Variants in GALNT13 observed in about 807,000 individuals in gnomAD.
GALNT13 encodes the protein UDP-GalNAc:polypeptide N-acetylgalactosaminyltransferase 13.
GALNT13 carries 28 observed loss-of-function variants against 64.2 expected under a neutral mutation model. That is an observed-to-expected ratio of 0.44 (90% CI 0.32 to 0.60). The LOEUF is 0.60. Ranked by LOEUF, GALNT13 falls within the 20% of genes least tolerant of loss-of-function variation. GALNT13 has a pLI of 0.05. For missense variants in GALNT13, 577 were observed against 669.8 expected, an observed-to-expected ratio of 0.86 and a Z score of 1.53; for synonymous variants, 214 against 224.6, an observed-to-expected ratio of 0.95 and a Z score of 0.42.
chr2:153,114,843 C>T, the GALNT13 span, among the ~76,000 whole-genome samples: 2 of 152,032 alleles, frequency 1.3e-5, no homozygotes, highest in African/African-American at 4.8e-5. Context: ...TCTTTCCAAT[C>T]CCCCTCCATT....
At chr2:153,389,968 C>G in the GALNT13 span, among the ~76,000 whole-genome samples, 2 of 152,044 alleles carry the variant, frequency 1.3e-5, no homozygotes, top group African/African-American at 4.8e-5. Context: ...TGCGTATATA[C>G]CCAAAGGATT....
intron 9 of GALNT13, among the ~76,000 whole-genome samples, chr2:154,351,243 AG>A (rs1034572355): frequency 3.9e-5 from 6 of 152,198 alleles, no homozygotes; most frequent in African/African-American, 1.4e-4. Flanking sequence ...GGTGTCATAA[AG>A]CTTGATTTTA....
At chr2:153,591,414 A>G in the GALNT13 span, among the ~76,000 whole-genome samples, 1 of 152,058 alleles carries the variant, frequency 6.6e-6, no homozygotes, top group South Asian at 2.1e-4. Context: ...TCCCTATCAA[A>G]ATACCATAAT....
At chr2:154,334,057 A>G (rs1559096501) in intron 9 of GALNT13, among the ~76,000 whole-genome samples, 1 of 145,606 alleles carries the variant, frequency 6.9e-6, no homozygotes, top group African/African-American at 2.5e-5. Flanking sequence ...GAACTCTGTT[A>G]TGTTACCTCA....
At chr2:153,979,491 A>G (rs1428343793) in intron 3 of GALNT13, among the ~76,000 whole-genome samples, 1 of 152,190 alleles carries the variant, frequency 6.6e-6, no homozygotes, top group Non-Finnish European at 1.5e-5. Flanking sequence ...TGAGAAACTT[A>G]GTGACCTGAA....
the GALNT13 span, among the ~76,000 whole-genome samples, chr2:153,463,738 T>A: frequency 6.6e-6 from 1 of 152,050 alleles, no homozygotes; most frequent in East Asian, 1.9e-4. Context: ...CATCCTTATC[T>A]CTGGATCCAT....
intron 3 of GALNT13, among the ~76,000 whole-genome samples, chr2:154,102,008 A>T (rs1574501181): frequency 2.0e-5 from 3 of 152,250 alleles, no homozygotes; most frequent in Admixed American, 2.0e-4. Context: ...TCAATAAGGT[A>T]CTTGATATGA....
the GALNT13 span, among the ~76,000 whole-genome samples, chr2:153,330,112 T>C: frequency 3.1e-3 from 469 of 152,318 alleles, 18 homozygotes; most frequent in East Asian, 0.082. Context: ...TTCTATTTTC[T>C]CTATTCTGTC....
At chr2:154,291,536 G>T (rs1055924000) in intron 8 of GALNT13, among the ~76,000 whole-genome samples, 2 of 152,198 alleles carry the variant, frequency 1.3e-5, no homozygotes, top group South Asian at 4.1e-4. Context: ...CACTCTGGCA[G>T]CCCAGAGAGA....
At chr2:153,242,451 A>G in the GALNT13 span, among the ~76,000 whole-genome samples, 1 of 152,228 alleles carries the variant, frequency 6.6e-6, no homozygotes, top group Non-Finnish European at 1.5e-5. Context: ...GAGACACCAT[A>G]TGCATCCATG....
intron 2 of GALNT13, among the ~76,000 whole-genome samples, chr2:153,907,311 TTATA>T (rs1320555714): frequency 6.6e-6 from 1 of 151,734 alleles, no homozygotes; most frequent in African/African-American, 2.4e-5. Flanking sequence ...AATATTAAGA[TTATA>T]TATATACACA....
intron 9 of GALNT13, among the ~76,000 whole-genome samples, chr2:154,338,372 G>A (rs1425595979): frequency 6.6e-6 from 1 of 151,708 alleles, no homozygotes; most frequent in African/African-American, 2.4e-5. Flanking sequence ...TTTCCAATAT[G>A]TGGAGTTGTT....
At chr2:153,268,048 G>T in the GALNT13 span, among the ~76,000 whole-genome samples, 8 of 152,114 alleles carry the variant, frequency 5.3e-5, no homozygotes, top group Admixed American at 1.3e-4. Flanking sequence ...CAAACCTCTT[G>T]TTCTCACATC....
chr2:153,723,992 G>A, the GALNT13 span, among the ~76,000 whole-genome samples: 4 of 148,414 alleles, frequency 2.7e-5, no homozygotes, highest in South Asian at 2.2e-4. Context: ...AGCCCGCATC[G>A]CCAAGTCAAT....
upstream of GALNT13, among the ~76,000 whole-genome samples, chr2:153,870,744 T>G (rs1685868921): frequency 6.6e-6 from 1 of 150,814 alleles, no homozygotes. Flanking sequence ...CATACTAGAT[T>G]ATGATTAATA....
chr2:153,861,559 C>CTTTTTTTTTTTTTTT, the GALNT13 span, among the ~76,000 whole-genome samples: 21 of 118,200 alleles, frequency 1.8e-4, no homozygotes, highest in African/African-American at 4.6e-4. Context: ...TTCTTTCTTT[C>CTTTTTTTTTTTTTTT]TTTTTTTTTT....
At chr2:153,612,231 C>T in the GALNT13 span, among the ~76,000 whole-genome samples, 7 of 152,096 alleles carry the variant, frequency 4.6e-5, no homozygotes, top group African/African-American at 1.4e-4. Context: ...ATGTTTTACA[C>T]TGTTGATGGG....
chr2:153,442,167 A>G, the GALNT13 span, among the ~76,000 whole-genome samples: 1 of 152,148 alleles, frequency 6.6e-6, no homozygotes, highest in Admixed American at 6.5e-5. Context: ...GGGGATTTGA[A>G]TTTTATTGAA....
At chr2:153,988,486 TA>T (rs1558892100) in intron 3 of GALNT13, among the ~76,000 whole-genome samples, 1 of 151,994 alleles carries the variant, frequency 6.6e-6, no homozygotes, top group African/African-American at 2.4e-5. Context: ...ATCCACATTA[TA>T]AAAAATGGTA....
Sources: gnomAD v4.1 joint callset for allele counts (sites outside exome capture counted in the v4.1 genomes callset) on GRCh38, gnomAD v4.1.1 for gene constraint, MANE v1.5 for transcripts, NCBI Gene and HGNC (gene_info 2026-07-23, HGNC 2026-07-21) for gene names.